Variants in MTUS1 observed in about 807,000 individuals in gnomAD.
The protein encoded by MTUS1 is microtubule associated scaffold protein 1.
Under a neutral mutation model 120.8 loss-of-function variants are expected in MTUS1, and 109 were observed. The ratio of observed to expected loss-of-function variants is 0.90; its 90% CI spans 0.77 to 1.06. The LOEUF (loss-of-function observed/expected upper bound fraction) is 1.06. Ranked by LOEUF, MTUS1 falls within the 50% of genes least tolerant of loss-of-function variation. MTUS1 has a pLI of 0.00. For synonymous variants in MTUS1, 737 were observed against 550.5 expected (o/e 1.34, Z -4.74); for missense variants, 2,210 against 1,486.3 (o/e 1.49, Z -8.01).
chr8:17,646,140 C>G lies in MTUS1; in HGVS notation c.3600-1G>C. 1 of 1,600,882 alleles carries G rather than the reference C, an allele frequency of 6.2e-7. No individual in the cohort carries two copies. The highest frequency in any genetic ancestry group is 8.5e-7 in the Non-Finnish European group (1 of 1,175,206). ...AACAGCCTGCTCCGTGGAAAGCTGCCTTGAAGAAAAAGGCCAGAAACCATG... is the reference window on the plus strand; with the variant it reads ...AACAGCCTGCTCCGTGGAAAGCTGCGTTGAAGAAAAAGGCCAGAAACCATG... On this transcript the variant is annotated splice_acceptor_variant, in intron 14 of 14. Transcript: ENST00000693296. LOFTEE classifies it high-confidence loss of function.
In MTUS1 at chr8:17,743,586, G is replaced by A. The variant is rs2047502605; in HGVS notation, c.2287+18C>T. On this transcript the variant is annotated intron_variant, in intron 3 of 14. Transcript: ENST00000693296. ...ACATTCAATTAACTCATAAACTATTGAACTATTTTATTCTTACCAGAACTG... is the reference window on the plus strand; with the variant it reads ...ACATTCAATTAACTCATAAACTATTAAACTATTTTATTCTTACCAGAACTG... The A allele has an allele frequency of 1.3e-6, 2 of 1,599,462 alleles. No individual in the cohort carries two copies. Among genetic ancestry groups the A allele is most frequent in the South Asian group, 2.2e-5 (2 of 90,016 alleles).
At chr8:17,777,377 T>C (rs1451403198) in intron 1 of MTUS1, among the ~76,000 whole-genome samples, 1 of 150,354 alleles carries the variant, frequency 6.7e-6, no homozygotes, top group Non-Finnish European at 1.5e-5. Context: ...AGGCAGAGGC[T>C]GCAGTGAGTT....
chr8:17,715,514 T>G (rs988383108), intron 5 of MTUS1, among the ~76,000 whole-genome samples: 8 of 152,206 alleles, frequency 5.3e-5, no homozygotes, highest in African/African-American at 7.2e-5. Flanking sequence ...ATTTAACTCC[T>G]GAAGTTTTGC....
chr8:17,684,935 A>C (rs1273752930), intron 6 of MTUS1, among the ~76,000 whole-genome samples: 2 of 152,184 alleles, frequency 1.3e-5, no homozygotes, highest in African/African-American at 4.8e-5. Flanking sequence ...GGAACACACA[A>C]ATCACTGGAC....
At chr8:17,659,601 G>C (rs952606517) in intron 8 of MTUS1, among the ~76,000 whole-genome samples, 2 of 152,114 alleles carry the variant, frequency 1.3e-5, no homozygotes, top group African/African-American at 4.8e-5. Context: ...GGCTGAGTGA[G>C]GCAGGAGAAT....
intron 1 of MTUS1, among the ~76,000 whole-genome samples, chr8:17,788,916 A>G (rs1171786631): frequency 3.3e-5 from 5 of 152,192 alleles, no homozygotes. Context: ...AGCTGTTTGT[A>G]TAGAAGTAAA....
At chr8:17,788,763 T>G (rs1213959739) in intron 1 of MTUS1, among the ~76,000 whole-genome samples, 1 of 152,200 alleles carries the variant, frequency 6.6e-6, no homozygotes, top group African/African-American at 2.4e-5. Context: ...CTTGCTCTCT[T>G]AGATATCACA....
chr8:17,723,605 A>G, intron 4 of MTUS1, 67 bp downstream of exon 4: 10 of 1,488,378 alleles, frequency 6.7e-6, no homozygotes, highest in Non-Finnish European at 9.4e-6. Context: ...AATTATTTGC[A>G]GAGCATTAGT....
chr8:17,784,772 T>C (rs2051160394), intron 1 of MTUS1, among the ~76,000 whole-genome samples: 1 of 143,656 alleles, frequency 7.0e-6, no homozygotes, highest in African/African-American at 2.5e-5. Context: ...AGAGTGACCT[T>C]TTTATAACAA....
chr8:17,648,890 G>A (rs1209213395), intron 13 of MTUS1, among the ~76,000 whole-genome samples: 2 of 152,210 alleles, frequency 1.3e-5, no homozygotes, highest in Non-Finnish European at 2.9e-5. Flanking sequence ...GATCACTTAA[G>A]CTGCCTTGCC....
intron 1 of MTUS1, among the ~76,000 whole-genome samples, chr8:17,763,643 C>A (rs112075077): frequency 2.0e-5 from 3 of 152,114 alleles, no homozygotes; most frequent in Admixed American, 2.0e-4. Context: ...GGGAGATACT[C>A]GCTGGAGGCA....
Position 17,715,719 on chromosome 8 carries a change from A to G in MTUS1, c.2584+48T>C, listed in dbSNP as rs1342516139. Reference sequence around the variant, plus strand: ...AAATTTAACTTTCTACAAGCCAAGGACTTTAAGCGTCTTGCCCTCCCTCTT... The same window carrying G: ...AAATTTAACTTTCTACAAGCCAAGGGCTTTAAGCGTCTTGCCCTCCCTCTT... On this transcript the variant is annotated intron_variant, in intron 5 of 14. Coordinates refer to ENST00000693296, the MANE Select transcript of MTUS1 (RefSeq NM_001363059.2). 3 of 1,551,984 alleles carry G rather than the reference A, an allele frequency of 1.9e-6. No homozygotes were observed. The East Asian group carries it at 6.8e-5, about 35-fold the overall frequency.
intron 7 of MTUS1, among the ~76,000 whole-genome samples, chr8:17,680,978 G>T (rs1218188824): frequency 6.6e-6 from 1 of 151,940 alleles, no homozygotes; most frequent in Non-Finnish European, 1.5e-5. Context: ...CTGTTGCCCA[G>T]GATGGAGTGT....
At chr8:17,676,497 C>T (rs555219773) in intron 7 of MTUS1, 18 of 596,728 alleles carry the variant, frequency 3.0e-5, no homozygotes, top group Middle Eastern at 4.4e-4. Flanking sequence ...CCGTGTGCCT[C>T]GGATTCCTCA....
Position 17,753,780 on chromosome 8 carries a change from C to CAAA in MTUS1, c.2027_2028insTTT (p.Met676delinsIleLeu), listed in dbSNP as rs2048369435. On this transcript the variant is annotated protein_altering_variant, in exon 2 of 15. Coordinates refer to ENST00000693296, the MANE Select transcript of MTUS1 (RefSeq NM_001363059.2). ...TCTCTTGTTTCAGCTCTTGTTTTTCCATAGATGTCCCATTTTCTTTTTCAC... is the reference window on the plus strand; with the variant it reads ...TCTCTTGTTTCAGCTCTTGTTTTTCCAAAATAGATGTCCCATTTTCTTTTTCAC... The CAAA allele has an allele frequency of 6.2e-7, 1 of 1,612,652 alleles. No individual in the cohort carries two copies. The highest frequency in any genetic ancestry group is 1.3e-5 in the African/African-American group (1 of 74,802).
At chr8:17,697,795 C>T (rs1818275877) in intron 6 of MTUS1, 1 of 935,814 alleles carries the variant, frequency 1.1e-6, no homozygotes, top group South Asian at 4.9e-5. Flanking sequence ...TGAAAGATCG[C>T]TAGGGGAAAT....
chr8:17,704,281 T>G (rs1819703434), intron 6 of MTUS1: 1 of 152,232 alleles, frequency 6.6e-6, no homozygotes, highest in South Asian at 2.1e-4. Context: ...CTCTGCAGAT[T>G]TTTAATCTGA....
At chr8:17,749,616 T>A (rs2048028873) in intron 2 of MTUS1, among the ~76,000 whole-genome samples, 1 of 135,774 alleles carries the variant, frequency 7.4e-6, no homozygotes, top group South Asian at 2.3e-4. Flanking sequence ...AGCCGAGAGA[T>A]CACACCACTG....
intron 6 of MTUS1, among the ~76,000 whole-genome samples, chr8:17,693,628 T>C (rs1775213567): frequency 1.3e-5 from 2 of 152,216 alleles, no homozygotes; most frequent in Admixed American, 6.5e-5. Context: ...GGAAACACTT[T>C]GTTTCTTAGT....
Sources: gnomAD v4.1 joint callset for allele counts (sites outside exome capture counted in the v4.1 genomes callset) on GRCh38, gnomAD v4.1.1 for gene constraint, MANE v1.5 for transcripts, NCBI Gene and HGNC (gene_info 2026-07-23, HGNC 2026-07-21) for gene names.